OPCML: variants seen among roughly 807,000 people sequenced by gnomAD.
OPCML encodes opioid binding protein/cell adhesion molecule like, also known as opioid-binding protein/cell adhesion molecule.
In OPCML, 13 loss-of-function variants were observed where a neutral mutation model predicts 37.8. That is an observed-to-expected ratio of 0.34 (90% CI 0.22 to 0.55). The LOEUF (loss-of-function observed/expected upper bound fraction) is 0.55, where lower values mean the gene tolerates loss of function less well. OPCML is among the 20% of genes least tolerant of loss of function. The pLI, the probability that OPCML is intolerant of heterozygous loss-of-function variation, is 0.91. For missense variants in OPCML, 341 were observed against 435.6 expected, an observed-to-expected ratio of 0.78 and a Z score of 1.93; for synonymous variants, 176 against 168.8, an observed-to-expected ratio of 1.04 and a Z score of -0.33.
chr11:133,252,919 G>A lies in OPCML; in HGVS notation c.61+279345C>T, dbSNP rs550551272. Among the ~76,000 whole-genome samples, 24 of 152,168 alleles carry A rather than the reference G, an allele frequency of 1.6e-4. No individual in the cohort carries two copies. In the East Asian group the frequency reaches 1.7e-3, roughly 11 times the overall value. On this transcript the variant is annotated intron_variant, in intron 1 of 7. Coordinates refer to ENST00000524381, the MANE Select transcript of OPCML (RefSeq NM_001012393.5). ...TCCCAGCACTTTGGGAGGCCAAGGC[G>A]GGTGGATCACAAGGTCGAGAGTTCG... is the stretch of plus-strand genomic sequence containing the variant.
intron 1 of OPCML, among the ~76,000 whole-genome samples, chr11:133,059,169 G>A (rs1948294837): frequency 6.6e-6 from 1 of 152,204 alleles, no homozygotes; most frequent in Non-Finnish European, 1.5e-5. Context: ...ACCAGTACTA[G>A]GGACCTATCT....
rs77950053 is a variant in OPCML, at chr11:133,392,383, G to A, written c.61+139881C>T. Among the ~76,000 whole-genome samples the A allele has an allele frequency of 7.3e-3, 1,105 of 152,242 alleles. 11 individuals are homozygous for A. Among genetic ancestry groups the A allele is most frequent in the African/African-American group, 0.025 (1,019 of 41,534 alleles). On this transcript the variant is annotated intron_variant, in intron 1 of 7. Transcript: ENST00000524381. ...AACATGCCAAAAATCACAAACTGCC[G>A]TATTAGCAAGAATCTTGGCACTAAG...
At chr11:132,871,146 AAAC>A (rs1469690126) in intron 2 of OPCML, among the ~76,000 whole-genome samples, 2 of 152,112 alleles carry the variant, frequency 1.3e-5, no homozygotes, top group African/African-American at 4.8e-5. Flanking sequence ...ATATATTCCA[AAAC>A]AACATGTTGT....
intron 2 of OPCML, among the ~76,000 whole-genome samples, chr11:132,807,902 T>A (rs530115708): frequency 6.6e-6 from 1 of 151,676 alleles, no homozygotes; most frequent in South Asian, 2.1e-4. Flanking sequence ...CCCAACTTAT[T>A]TGTAAGGCCA....
intron 1 of OPCML, chr11:133,419,444 A>C: frequency 2.0e-6 from 1 of 501,524 alleles, no homozygotes; most frequent in Non-Finnish European, 2.6e-6. Flanking sequence ...CCACTAATAA[A>C]AGTTGAGTTA....
At chr11:133,236,898 G>C (rs1319928795) in intron 1 of OPCML, among the ~76,000 whole-genome samples, 1 of 143,166 alleles carries the variant, frequency 7.0e-6, no homozygotes, top group African/African-American at 2.5e-5. Context: ...CAGTAGGGAG[G>C]ATGCGTCAGG....
chr11:133,081,586 G>C (rs1042149735), intron 1 of OPCML, among the ~76,000 whole-genome samples: 4 of 152,156 alleles, frequency 2.6e-5, no homozygotes, highest in South Asian at 4.1e-4. Context: ...TTCTTGAGAT[G>C]ACAGACGGAG....
At chr11:133,355,560 T>C (rs1944265824) in intron 1 of OPCML, among the ~76,000 whole-genome samples, 1 of 152,114 alleles carries the variant, frequency 6.6e-6, no homozygotes, top group South Asian at 2.1e-4. Flanking sequence ...CCTGGGGAAG[T>C]ATTCAGCCTA....
chr11:133,019,343 A>G (rs1217192486), intron 1 of OPCML, among the ~76,000 whole-genome samples: 1 of 152,186 alleles, frequency 6.6e-6, no homozygotes, highest in Non-Finnish European at 1.5e-5. Context: ...GAGATAAGAT[A>G]GTTGAGGCCC....
chr11:132,715,321 T>C (rs778592887), intron 2 of OPCML, among the ~76,000 whole-genome samples: 2 of 152,218 alleles, frequency 1.3e-5, no homozygotes, highest in Non-Finnish European at 2.9e-5. Context: ...AGATGAGTAA[T>C]GCACAATTTC....
chr11:133,198,549 G>A (rs1175194421), intron 1 of OPCML, among the ~76,000 whole-genome samples: 1 of 152,236 alleles, frequency 6.6e-6, no homozygotes, highest in Non-Finnish European at 1.5e-5. Flanking sequence ...GAACTAGATG[G>A]ACATGAAGAA....
chr11:132,745,155 C>G (rs1945572354), intron 2 of OPCML, among the ~76,000 whole-genome samples: 1 of 152,142 alleles, frequency 6.6e-6, no homozygotes, highest in Admixed American at 6.5e-5. Flanking sequence ...CCTCCTACTT[C>G]CAGGGAGAGG....
intron 2 of OPCML, among the ~76,000 whole-genome samples, chr11:132,742,029 CAA>C (rs61200603): frequency 2.3e-5 from 3 of 131,818 alleles, no homozygotes; most frequent in African/African-American, 2.7e-5. Context: ...AACTCTGTCT[CAA>C]AAAAAAAAAA....
chr11:132,837,143 C>T (rs1365767810), intron 2 of OPCML, among the ~76,000 whole-genome samples: 2 of 151,970 alleles, frequency 1.3e-5, no homozygotes, highest in Admixed American at 6.6e-5. Flanking sequence ...GGAGAAACCC[C>T]GTCTCTACTA....
At chr11:132,603,958 AG>A (rs1180952760) in intron 3 of OPCML, among the ~76,000 whole-genome samples, 3 of 152,182 alleles carry the variant, frequency 2.0e-5, no homozygotes, top group African/African-American at 7.2e-5. Flanking sequence ...TTTATGCTAT[AG>A]CTCTATCAGT....
At chr11:132,452,935 C>T (rs1054970426) in intron 4 of OPCML, among the ~76,000 whole-genome samples, 1 of 152,150 alleles carries the variant, frequency 6.6e-6, no homozygotes, top group Non-Finnish European at 1.5e-5. Flanking sequence ...TCCTCCTTTC[C>T]CCTGGACATA....
At chr11:133,037,530 G>A (rs985801119) in intron 1 of OPCML, among the ~76,000 whole-genome samples, 4 of 152,148 alleles carry the variant, frequency 2.6e-5, no homozygotes, top group Non-Finnish European at 5.9e-5. Flanking sequence ...GAGCTAGACT[G>A]GAGTGTAAAG....
chr11:132,879,713 C>T (rs563628893), intron 2 of OPCML, among the ~76,000 whole-genome samples: 38 of 152,220 alleles, frequency 2.5e-4, no homozygotes, highest in Admixed American at 3.9e-4. Context: ...CCTCAGCAAG[C>T]GCATAATGAA....
intron 1 of OPCML, among the ~76,000 whole-genome samples, chr11:133,519,941 T>C (rs1381582574): frequency 1.3e-5 from 2 of 152,148 alleles, no homozygotes; most frequent in African/African-American, 4.8e-5. Context: ...GCTGAGCAGC[T>C]CACAACCAAA....
Sources: allele counts gnomAD v4.1 joint callset (sites outside exome capture counted in the v4.1 genomes callset), GRCh38; gene constraint gnomAD v4.1.1; transcripts MANE v1.5; gene names NCBI Gene and HGNC (gene_info 2026-07-23, HGNC 2026-07-21).